Variants in ASXL3 observed in about 807,000 individuals in gnomAD.
The protein encoded by ASXL3 is putative Polycomb group protein ASXL3.
A neutral mutation model predicts 170.6 loss-of-function variants in ASXL3; 34 were observed. The ratio of observed to expected loss-of-function variants is 0.20; its 90% CI spans 0.15 to 0.27. ASXL3 has a LOEUF of 0.27. Ranked by LOEUF, ASXL3 falls within the 10% of genes least tolerant of loss-of-function variation. ASXL3 has a pLI of 1.00. For missense variants in ASXL3, 2,592 were observed against 2,695.3 expected, an observed-to-expected ratio of 0.96 and a Z score of 0.85; for synonymous variants, 1,002 against 989.1, an observed-to-expected ratio of 1.01 and a Z score of -0.24.
chr18:33,670,974 A>G (rs1052896882), intron 6 of ASXL3, among the ~76,000 whole-genome samples, 184 bp downstream of exon 6: 4 of 152,230 alleles, frequency 2.6e-5, no homozygotes, highest in African/African-American at 9.6e-5. Flanking sequence ...CAGAAAAGAA[A>G]AAGGTACCAG....
intron 4 of ASXL3, among the ~76,000 whole-genome samples, chr18:33,649,376 C>T (rs762903844): frequency 6.6e-6 from 1 of 152,018 alleles, no homozygotes; most frequent in Admixed American, 6.6e-5. Flanking sequence ...AAGTTTGCTT[C>T]TGTGTGTGTT....
intron 8 of ASXL3, among the ~76,000 whole-genome samples, chr18:33,691,222 C>T (rs2066681702): frequency 6.6e-6 from 1 of 152,188 alleles, no homozygotes; most frequent in South Asian, 2.1e-4. Flanking sequence ...CAGCTCCTAT[C>T]AGGATGTCCT....
intron 4 of ASXL3, among the ~76,000 whole-genome samples, chr18:33,647,098 GTC>G (rs149776496): frequency 0.011 from 1,696 of 152,112 alleles, 38 homozygotes; most frequent in African/African-American, 0.039. Context: ...TGTAGTTAAA[GTC>G]TCTGTCAGTA....
chr18:33,587,718 A>T (rs537352807), intron 1 of ASXL3, among the ~76,000 whole-genome samples: 1 of 152,180 alleles, frequency 6.6e-6, no homozygotes, highest in East Asian at 1.9e-4. Context: ...GTACAAAAAT[A>T]ATTAAAAGCC....
At position 33,716,650 on chromosome 18, in the gene ASXL3, G is replaced by T. The variant is rs16964880; in HGVS notation, c.880-15318G>T. Among the ~76,000 whole-genome samples, 155 of 152,168 alleles carry T rather than the reference G, an allele frequency of 1.0e-3. 1 individual carries two copies. Among genetic ancestry groups the T allele is most frequent in the Non-Finnish European group, 4.7e-4 (32 of 67,986 alleles). On this transcript the variant is annotated intron_variant, in intron 8 of 11. Coordinates refer to ENST00000269197, the MANE Select transcript of ASXL3 (RefSeq NM_030632.3). ...GGCATTTTGTTAGGAAAATTTAAAG[G>T]TTGGTTTGCAGTCTTTATGAAACCG...
Position 33,748,312 on chromosome 18 carries a change from T to A in ASXL3, c.*1717T>A, listed in dbSNP as rs1381962285. The A allele has an allele frequency of 3.3e-5, 5 of 152,104 alleles. No individual in the cohort carries two copies. The allele number at this position is 152,104 out of a possible 1,614,324, so 9.4% of individuals were successfully genotyped here. A position where few individuals can be genotyped will look rare whatever the true frequency, so the allele number is the denominator to read the frequency against. ...TTATAATAACCAACTATATAATATGTTTTTTTCTCCGTATTTATTGTGATG... is the reference window on the plus strand; with the variant it reads ...TTATAATAACCAACTATATAATATGATTTTTTCTCCGTATTTATTGTGATG... On this transcript the variant is annotated 3_prime_UTR_variant, in exon 12 of 12. Transcript: ENST00000269197.
rs1568367676 is a variant in ASXL3 at position 33,745,041 on chromosome 18, T to C, written c.5193T>C (p.Pro1731=). The part of the protein sequence containing the change: ...SLATDALKRV[P]GAGSSGCRLS... ...CTACCGATGCCCTGAAGAGAGTCCCTGGTGCAGGGAGCTCAGGCTGTCGTC... is the reference window on the plus strand; with the variant it reads ...CTACCGATGCCCTGAAGAGAGTCCCCGGTGCAGGGAGCTCAGGCTGTCGTC... The change falls in exon 12 of 12, where the codon CCT becomes CCC. Residue 1731 remains proline, a synonymous_variant. Transcript: ENST00000269197. 6.2e-7 allele frequency: 1 copy of C among 1,614,016 alleles called. No individual in the cohort carries two copies.
intron 10 of ASXL3, among the ~76,000 whole-genome samples, chr18:33,735,546 C>G (rs968892918): frequency 7.9e-5 from 12 of 152,172 alleles, no homozygotes; most frequent in African/African-American, 2.9e-4. Context: ...ATCACTCAAG[C>G]CTGGCTGCAT....
At chr18:33,645,201 TC>T (rs1181370187) in intron 3 of ASXL3, among the ~76,000 whole-genome samples, 199 bp downstream of exon 3, 1 of 151,982 alleles carries the variant, frequency 6.6e-6, no homozygotes, top group African/African-American at 2.4e-5. Context: ...GTGGTTTCAC[TC>T]CGTGACATAT....
chr18:33,686,635 C>G (rs1277009951), intron 8 of ASXL3, among the ~76,000 whole-genome samples: 1 of 152,114 alleles, frequency 6.6e-6, no homozygotes, highest in Non-Finnish European at 1.5e-5. Flanking sequence ...CTTAATATCT[C>G]TGTATGACTG....
At chr18:33,708,647 C>G (rs1229016588) in intron 8 of ASXL3, among the ~76,000 whole-genome samples, 1 of 152,126 alleles carries the variant, frequency 6.6e-6, no homozygotes, top group Admixed American at 6.5e-5. Context: ...TGGCCTCTAC[C>G]TACTAGACAT....
intron 8 of ASXL3, among the ~76,000 whole-genome samples, chr18:33,711,777 T>A (rs1222855352): frequency 6.6e-6 from 1 of 152,172 alleles, no homozygotes; most frequent in African/African-American, 2.4e-5. Context: ...TGTATTGTCA[T>A]AGCAGTTGCC....
intron 7 of ASXL3, among the ~76,000 whole-genome samples, chr18:33,677,664 A>G (rs2066449695): frequency 6.6e-6 from 1 of 152,206 alleles, no homozygotes; most frequent in Admixed American, 6.5e-5. Flanking sequence ...ATCGAAGTTG[A>G]TAACATTCAT....
At chr18:33,688,111 G>A (rs545792529) in intron 8 of ASXL3, among the ~76,000 whole-genome samples, 1 of 152,258 alleles carries the variant, frequency 6.6e-6, no homozygotes, top group African/African-American at 2.4e-5. Context: ...CACACTAATA[G>A]TACCGTTTAG....
intron 8 of ASXL3, among the ~76,000 whole-genome samples, chr18:33,704,789 T>C (rs1418042344): frequency 6.6e-6 from 1 of 152,004 alleles, no homozygotes; most frequent in Non-Finnish European, 1.5e-5. Flanking sequence ...TATTTAAATA[T>C]TGTGTTTTAT....
chr18:33,623,381 A>G (rs1345588033), intron 2 of ASXL3, among the ~76,000 whole-genome samples: 1 of 152,158 alleles, frequency 6.6e-6, no homozygotes, highest in African/African-American at 2.4e-5. Flanking sequence ...GAATGAGTGG[A>G]AATTTGAATT....
intron 8 of ASXL3, among the ~76,000 whole-genome samples, chr18:33,700,471 A>G (rs1485801372): frequency 1.3e-5 from 2 of 151,996 alleles, no homozygotes; most frequent in African/African-American, 2.4e-5. Context: ...TCCCCAGGAA[A>G]GTAGATATCA....
intron 2 of ASXL3, among the ~76,000 whole-genome samples, chr18:33,635,146 T>G (rs888245916): frequency 2.0e-5 from 3 of 152,116 alleles, no homozygotes; most frequent in Non-Finnish European, 2.9e-5. Flanking sequence ...AAACTATTAC[T>G]AATTGCCCTT....
At chr18:33,688,807 C>G (rs2145298557) in intron 8 of ASXL3, among the ~76,000 whole-genome samples, 1 of 152,274 alleles carries the variant, frequency 6.6e-6, no homozygotes, top group Non-Finnish European at 1.5e-5. Context: ...TGCTTTTCTC[C>G]AGAAGGCTAG....
Sources: allele counts gnomAD v4.1 joint callset (sites outside exome capture counted in the v4.1 genomes callset), GRCh38; gene constraint gnomAD v4.1.1; transcripts MANE v1.5; gene names NCBI Gene and HGNC (gene_info 2026-07-23, HGNC 2026-07-21).